The following GINS1 variants were observed in gnomAD, a reference collection of about 807,000 sequenced individuals.
GINS1 encodes the protein GINS complex subunit 1, also known as DNA replication complex GINS protein PSF1.
In GINS1, 26 loss-of-function variants were observed where a neutral mutation model predicts 34.9. That is an observed-to-expected ratio of 0.74 (90% CI 0.55 to 1.03). The LOEUF (loss-of-function observed/expected upper bound fraction) is 1.03. GINS1 is among the 50% of genes least tolerant of loss of function. GINS1 has a pLI of 0.00. For synonymous variants in GINS1, 97 were observed against 84.4 expected, an observed-to-expected ratio of 1.15 and a Z score of -0.82; for missense variants, 235 against 237.9, an observed-to-expected ratio of 0.99 and a Z score of 0.08.
rs2090471397 is a variant in GINS1 at position 25,439,537 on chromosome 20, A to T, written c.448-2165A>T. On this transcript the variant is annotated intron_variant, in intron 5 of 6. Coordinates refer to ENST00000262460, the MANE Select transcript of GINS1 (RefSeq NM_021067.5). ...ATAAAATACCAAGAGGAAGGAAAAA[A>T]TAAAGAGGAAGTGAAACCTATAGAT... Among the ~76,000 whole-genome samples the T allele has an allele frequency of 3.3e-5, 5 of 152,294 alleles. No individual in the cohort carries two copies. In the South Asian group the frequency reaches 1.0e-3, roughly 32 times the overall value.
chr20:25,420,550 C>A (rs1287977064), intron 4 of GINS1, among the ~76,000 whole-genome samples: 2 of 152,052 alleles, frequency 1.3e-5, no homozygotes, highest in Non-Finnish European at 2.9e-5. Context: ...CTTCCTTCTA[C>A]CCCAGTGACC....
Position 25,428,969 on chromosome 20 carries a change from C to T in GINS1, c.447+3642C>T, listed in dbSNP as rs1175919059. Among the ~76,000 whole-genome samples the T allele has an allele frequency of 1.3e-3, 161 of 127,476 alleles. 1 individual carries two copies. Among genetic ancestry groups the T allele is most frequent in the East Asian group, 2.1e-3 (5 of 2,406 alleles). 83.6% of individuals were successfully genotyped at this position (127,476 alleles called of 152,430 possible). ...GGGTCCTCCACCTTCATTCCTCTCT[C>T]TTTTTTTTTTTTTTTTTTTTTTTTT... is the stretch of plus-strand genomic sequence containing the variant. On this transcript the variant is annotated intron_variant, in intron 5 of 6. Transcript: ENST00000262460.
At chr20:25,438,459 ATCACAT>A (rs1219401670) in intron 5 of GINS1, among the ~76,000 whole-genome samples, 2 of 151,256 alleles carry the variant, frequency 1.3e-5, no homozygotes, top group African/African-American at 2.4e-5. Context: ...GGTGAATTGG[ATCACAT>A]CAATTACGTT....
rs1461313025 is a variant in GINS1, at chr20:25,443,473, TTTC to T, written c.522+1700_522+1702del. On this transcript the variant is annotated intron_variant, in intron 6 of 6. Transcript: ENST00000262460. ...TCCCAAATGCTGTCCTGTGGTTGAA[TTTC>T]TTTTTTTTTTTTTTTTTTTGAGACA... Among the ~76,000 whole-genome samples, 924 of 129,822 alleles carry T rather than the reference TTTC, an allele frequency of 7.1e-3. 11 individuals are homozygous for T. The highest frequency in any genetic ancestry group is 0.025 in the African/African-American group (882 of 35,462). 85.2% of individuals were successfully genotyped at this position (129,822 alleles called of 152,430 possible).
At chr20:25,420,781 CAAAA>C (rs10540213) in intron 4 of GINS1, 2,031 of 611,564 alleles carry the variant, frequency 3.3e-3, no homozygotes, top group Middle Eastern at 4.1e-3. Flanking sequence ...GACCCTGTCT[CAAAA>C]AAAAAAAAAA....
Position 25,417,105 on chromosome 20 carries a change from A to T in GINS1, c.142A>T (p.Asn48Tyr). The T allele has an allele frequency of 6.7e-7, 1 of 1,486,700 alleles. No homozygotes were observed. Among genetic ancestry groups the T allele is most frequent in the Non-Finnish European group, 9.4e-7 (1 of 1,068,254 alleles). 92.1% of individuals were successfully genotyped at this position (1,486,700 alleles called of 1,614,324 possible). ...ALYEQNQSDVNEAKSGGRSDL... is the reference protein window; with the variant it reads ...ALYEQNQSDVYEAKSGGRSDL... Reference sequence around the variant, plus strand: ...TTTCTTTTTAAATGCTCCTATCAGGAATGAAGCAAAGTCAGGTGGACGAAG... The same window carrying T: ...TTTCTTTTTAAATGCTCCTATCAGGTATGAAGCAAAGTCAGGTGGACGAAG... Residue 48 changes from asparagine (N) to tyrosine (Y), a missense_variant and splice_region_variant, in exon 3 of 7, where the codon AAT (asparagine) becomes TAT (tyrosine). Asn to Tyr is a moderately radical substitution (Grantham distance 143). Coordinates refer to ENST00000262460, the MANE Select transcript of GINS1 (RefSeq NM_021067.5).
chr20:25,407,689 C>T lies in GINS1; in HGVS notation c.-132C>T, dbSNP rs773119359. ...GCTAGCTTTGTTCGGCGCCAAAGCG[C>T]GGAGCGGAGGCCGAGGCGAGAGCCT... On this transcript the variant is annotated 5_prime_UTR_variant, in exon 1 of 7. Transcript: ENST00000262460. 2.7e-6 allele frequency: 2 copies of T among 730,884 alleles called. No homozygotes were observed. The highest frequency in any genetic ancestry group is 1.8e-5 in the African/African-American group (1 of 56,432). 45.3% of individuals were successfully genotyped at this position (730,884 alleles called of 1,614,324 possible).
At chr20:25,443,678 C>T (rs891195854) in intron 6 of GINS1, among the ~76,000 whole-genome samples, 4 of 151,602 alleles carry the variant, frequency 2.6e-5, no homozygotes, top group African/African-American at 7.3e-5. Flanking sequence ...GGCGGCGTTT[C>T]ACCATGTTGG....
intron 5 of GINS1, among the ~76,000 whole-genome samples, chr20:25,435,780 A>AC (rs1190602301): frequency 5.8e-4 from 72 of 123,742 alleles, no homozygotes; most frequent in African/African-American, 2.2e-3. Flanking sequence ...AAAAAAAAAA[A>AC]AAAAAAAACC....
chr20:25,431,684 C>T (rs1000376691), intron 5 of GINS1, among the ~76,000 whole-genome samples: 1 of 151,636 alleles, frequency 6.6e-6, no homozygotes, highest in African/African-American at 2.4e-5. Flanking sequence ...GATTCCCATG[C>T]CTCAGCCTCC....
At chr20:25,437,349 C>G (rs2090459562) in intron 5 of GINS1, among the ~76,000 whole-genome samples, 1 of 152,250 alleles carries the variant, frequency 6.6e-6, no homozygotes, top group Non-Finnish European at 1.5e-5. Flanking sequence ...TTTGCACACT[C>G]TGCACCAGCA....
chr20:25,410,586 G>T (rs1325538373), intron 1 of GINS1, among the ~76,000 whole-genome samples: 2 of 151,886 alleles, frequency 1.3e-5, no homozygotes, highest in African/African-American at 4.8e-5. Flanking sequence ...TTTGAGATGG[G>T]AGTTTCGCTC....
chr20:25,412,881 T>C (rs938967939), intron 1 of GINS1, among the ~76,000 whole-genome samples: 3 of 152,198 alleles, frequency 2.0e-5, no homozygotes, highest in African/African-American at 7.2e-5. Context: ...ACCTATAGCC[T>C]TAGGCAACCA....
At chr20:25,429,493 C>T (rs762950694) in intron 5 of GINS1, among the ~76,000 whole-genome samples, 4 of 152,110 alleles carry the variant, frequency 2.6e-5, no homozygotes, top group African/African-American at 4.8e-5. Context: ...CTTTAATTTT[C>T]TTCAGCAGTG....
chr20:25,409,096 G>T, intron 1 of GINS1: 1 of 917,826 alleles, frequency 1.1e-6, no homozygotes, highest in Non-Finnish European at 1.3e-6. Context: ...CCAGCCAAAG[G>T]ATGCTGCAGC....
chr20:25,434,062 T>C (rs932506557), intron 5 of GINS1, among the ~76,000 whole-genome samples: 28 of 152,092 alleles, frequency 1.8e-4, no homozygotes, highest in African/African-American at 6.5e-4. Context: ...GGTGGGTGGA[T>C]TGCGTGAGCT....
In GINS1 at chr20:25,425,080, A is replaced by G. The variant is rs1233498151; in HGVS notation, c.331-131A>G. On this transcript the variant is annotated intron_variant, in intron 4 of 6. Transcript: ENST00000262460. ...GCCTATATCATAGGAGGCAATTAAT[A>G]TTTTAGCATTAATGAATGAATGGTC... The G allele has an allele frequency of 5.4e-6, 3 of 553,472 alleles. No individual in the cohort carries two copies. In the Admixed American group the frequency reaches 9.2e-5, roughly 17 times the overall value. The allele number at this position is 553,472 out of a possible 1,614,324, so 34.3% of individuals were successfully genotyped here. A position where few individuals can be genotyped will look rare whatever the true frequency, so the allele number is the denominator to read the frequency against.
At position 25,447,480 on chromosome 20, in the gene GINS1, A is replaced by G. The variant is rs1394847789; in HGVS notation, c.*1489A>G. The G allele has an allele frequency of 6.6e-6, 1 of 152,186 alleles. No individual in the cohort carries two copies. Among genetic ancestry groups the G allele is most frequent in the Non-Finnish European group, 1.5e-5 (1 of 68,022 alleles). 9.4% of individuals were successfully genotyped at this position (152,186 alleles called of 1,614,324 possible). On this transcript the variant is annotated 3_prime_UTR_variant, in exon 7 of 7. Coordinates refer to ENST00000262460, the MANE Select transcript of GINS1 (RefSeq NM_021067.5). ...CTCTATCACCTTTGCATTTTTGTTA[A>G]AAAGTAGTTGTCAATGTATATGTGG...
At chr20:25,422,837 C>T (rs1352335675) in intron 4 of GINS1, among the ~76,000 whole-genome samples, 5 of 152,230 alleles carry the variant, frequency 3.3e-5, no homozygotes, top group South Asian at 2.1e-4. Context: ...AGTGCTGTGG[C>T]GTGATCTTGG....
Sources: gnomAD v4.1 joint callset for allele counts (sites outside exome capture counted in the v4.1 genomes callset) on GRCh38, gnomAD v4.1.1 for gene constraint, MANE v1.5 for transcripts, NCBI Gene and HGNC (gene_info 2026-07-23, HGNC 2026-07-21) for gene names.